The following ANKRD29 variants were observed in gnomAD, a reference collection of about 807,000 sequenced individuals.
ANKRD29 encodes ankyrin repeat domain-containing protein 29.
A neutral mutation model predicts 38.0 loss-of-function variants in ANKRD29; 32 were observed. That is an observed-to-expected ratio of 0.84 (90% CI 0.64 to 1.13). ANKRD29 has a LOEUF of 1.13. Ranked by LOEUF, ANKRD29 falls within the 50% of genes most tolerant of loss-of-function variation. The pLI is 0.00. For missense variants in ANKRD29, 357 were observed against 377.9 expected (o/e 0.94, Z 0.46); for synonymous variants, 135 against 152.4 (o/e 0.89, Z 0.84).
chr18:23,659,244 C>G (rs1369077537), intron 1 of ANKRD29, among the ~76,000 whole-genome samples: 1 of 152,156 alleles, frequency 6.6e-6, no homozygotes, highest in African/African-American at 2.4e-5. Flanking sequence ...TCCCAAAGTG[C>G]TGGGATTACA....
intron 1 of ANKRD29, chr18:23,649,654 G>A (rs2060186196): frequency 2.3e-6 from 1 of 430,510 alleles, no homozygotes; most frequent in Admixed American, 2.8e-5. Flanking sequence ...CGTTTCCTAA[G>A]CCCTCAATGC....
At chr18:23,659,342 A>G (rs1450790847) in intron 1 of ANKRD29, among the ~76,000 whole-genome samples, 2 of 152,198 alleles carry the variant, frequency 1.3e-5, no homozygotes, top group African/African-American at 2.4e-5. Flanking sequence ...ACTATTATGA[A>G]TACTATTGCT....
At chr18:23,610,569 A>G (rs1002078854) in intron 9 of ANKRD29, among the ~76,000 whole-genome samples, 4 of 152,198 alleles carry the variant, frequency 2.6e-5, no homozygotes, top group Non-Finnish European at 5.9e-5. Flanking sequence ...CCAAGGTGGG[A>G]GGATTGCTTG....
intron 9 of ANKRD29, among the ~76,000 whole-genome samples, chr18:23,604,337 G>C (rs1260608633): frequency 6.6e-6 from 1 of 152,094 alleles, no homozygotes; most frequent in Non-Finnish European, 1.5e-5. Flanking sequence ...CCTTCCCTTA[G>C]GCCCTGGGTC....
intron 5 of ANKRD29, 143 bp from the exon 6 acceptor site, chr18:23,630,094 G>A: frequency 1.5e-6 from 1 of 667,034 alleles, no homozygotes; most frequent in Non-Finnish European, 2.5e-6. Context: ...ATAGAGACCA[G>A]CCTGGCCAAT....
At chr18:23,653,966 G>C (rs1049965285) in intron 1 of ANKRD29, among the ~76,000 whole-genome samples, 3 of 152,008 alleles carry the variant, frequency 2.0e-5, no homozygotes, top group Non-Finnish European at 4.4e-5. Flanking sequence ...TAACAGAGCC[G>C]GGATTTAAGT....
At chr18:23,645,387 A>G (rs1363204196) in intron 3 of ANKRD29, among the ~76,000 whole-genome samples, 2 of 152,202 alleles carry the variant, frequency 1.3e-5, no homozygotes, top group Non-Finnish European at 2.9e-5. Context: ...CATCTTGGCC[A>G]CCATGGTGAA....
At chr18:23,610,066 A>G (rs1204949626) in intron 9 of ANKRD29, among the ~76,000 whole-genome samples, 7 of 152,228 alleles carry the variant, frequency 4.6e-5, no homozygotes, top group African/African-American at 1.7e-4. Flanking sequence ...TATTAAAAAA[A>G]AATTTAACAC....
intron 6 of ANKRD29, among the ~76,000 whole-genome samples, chr18:23,621,182 C>A (rs962670121): frequency 1.1e-4 from 17 of 152,132 alleles, no homozygotes; most frequent in Non-Finnish European, 1.9e-4. Context: ...ACTGTTTTAG[C>A]CAGATAAGAC....
At chr18:23,646,313 A>G in intron 2 of ANKRD29, 26 bp from the exon 3 acceptor site, 1 of 1,600,574 alleles carries the variant, frequency 6.2e-7, no homozygotes, top group Non-Finnish European at 8.6e-7. Flanking sequence ...ACAGATGAAG[A>G]GTTAGGCCAC....
intron 4 of ANKRD29, among the ~76,000 whole-genome samples, chr18:23,635,728 A>T (rs951881855): frequency 2.6e-5 from 4 of 152,144 alleles, no homozygotes; most frequent in African/African-American, 9.7e-5. Context: ...ATCCAGAAAT[A>T]TGCCTTTTGA....
At chr18:23,631,066 T>A (rs2059925656) in intron 5 of ANKRD29, among the ~76,000 whole-genome samples, 1 of 151,902 alleles carries the variant, frequency 6.6e-6, no homozygotes, top group South Asian at 2.1e-4. Context: ...TGTCCCCTTA[T>A]CCTTGTTCCC....
chr18:23,655,638 G>T (rs993385735), intron 1 of ANKRD29, among the ~76,000 whole-genome samples: 2 of 151,498 alleles, frequency 1.3e-5, no homozygotes, highest in Non-Finnish European at 2.9e-5. Flanking sequence ...TAGAGATGGG[G>T]TTTCACTGTA....
At chr18:23,650,320 A>G (rs2060193999) in intron 1 of ANKRD29, among the ~76,000 whole-genome samples, 1 of 151,800 alleles carries the variant, frequency 6.6e-6, no homozygotes, top group South Asian at 2.1e-4. Context: ...TAATTATTTT[A>G]TTTTTTGTAG....
intron 6 of ANKRD29, 80 bp from the exon 7 acceptor site, chr18:23,619,709 G>T (rs1045271531): frequency 1.6e-6 from 2 of 1,259,652 alleles, no homozygotes; most frequent in African/African-American, 3.1e-5. Flanking sequence ...AACACCAGGG[G>T]TCTGAAAGCG....
chr18:23,629,339 G>A (rs975450096), intron 6 of ANKRD29, among the ~76,000 whole-genome samples: 1 of 152,252 alleles, frequency 6.6e-6, no homozygotes, highest in Non-Finnish European at 1.5e-5. Context: ...TTAGCTTGCT[G>A]TTGGTAAATG....
chr18:23,617,340 T>A (rs538794614), intron 8 of ANKRD29, among the ~76,000 whole-genome samples: 33 of 152,326 alleles, frequency 2.2e-4, no homozygotes, highest in Admixed American at 1.4e-3. Flanking sequence ...GTTTGAGGCT[T>A]ATTTTATTTC....
chr18:23,638,739 G>T, intron 4 of ANKRD29, 110 bp downstream of exon 4: 3 of 886,808 alleles, frequency 3.4e-6, no homozygotes, highest in South Asian at 1.9e-5. Context: ...TTAGGTTTGA[G>T]AATCTTGTAA....
intron 9 of ANKRD29, among the ~76,000 whole-genome samples, chr18:23,604,213 A>G (rs2059548137): frequency 6.6e-6 from 1 of 151,982 alleles, no homozygotes; most frequent in Non-Finnish European, 1.5e-5. Flanking sequence ...TGTGTTTCCT[A>G]CTGAAAATCC....
Sources: allele counts gnomAD v4.1 joint callset (sites outside exome capture counted in the v4.1 genomes callset), GRCh38; gene constraint gnomAD v4.1.1; transcripts MANE v1.5; gene names NCBI Gene and HGNC (gene_info 2026-07-23, HGNC 2026-07-21).